Variants in ADAMTSL3 observed in about 807,000 individuals in gnomAD.
ADAMTSL3 encodes the protein ADAMTS like 3.
ADAMTSL3 carries 128 observed loss-of-function variants against 201.7 expected under a neutral mutation model. The ratio of observed to expected loss-of-function variants is 0.63; its 90% CI spans 0.55 to 0.73. The LOEUF is 0.73. ADAMTSL3 is among the 30% of genes least tolerant of loss of function. ADAMTSL3 has a pLI of 0.00. For synonymous variants in ADAMTSL3, 738 were observed against 748.4 expected (o/e 0.99, Z 0.23); for missense variants, 1,990 against 2,119.6 (o/e 0.94, Z 1.20).
chr15:83,835,011 G>C (rs779450084), intron 6 of ADAMTSL3, among the ~76,000 whole-genome samples: 35 of 152,104 alleles, frequency 2.3e-4, no homozygotes, highest in Non-Finnish European at 4.9e-4. Context: ...AAGGCGGGCA[G>C]ATCACGAGAT....
At chr15:83,670,258 C>CAAAAAAAAAAAA (rs60947988) in intron 2 of ADAMTSL3, among the ~76,000 whole-genome samples, 6 of 64,516 alleles carry the variant, frequency 9.3e-5, no homozygotes, top group African/African-American at 1.3e-4. Flanking sequence ...ACTCTGTCTC[C>CAAAAAAAAAAAA]AAAAAAAAAA....
At chr15:83,925,920 A>G (rs568384797) in intron 17 of ADAMTSL3, among the ~76,000 whole-genome samples, 1 of 152,336 alleles carries the variant, frequency 6.6e-6, no homozygotes, top group African/African-American at 2.4e-5. Context: ...GGGAAAATAC[A>G]GGGAGGGGGC....
chr15:83,936,063 G>T (rs2142018478), intron 17 of ADAMTSL3, among the ~76,000 whole-genome samples: 1 of 152,096 alleles, frequency 6.6e-6, no homozygotes, highest in South Asian at 2.1e-4. Context: ...ATATAAGAAT[G>T]AATGATGACC....
At chr15:84,006,831 G>A (rs1405617941) in intron 23 of ADAMTSL3, among the ~76,000 whole-genome samples, 1 of 152,152 alleles carries the variant, frequency 6.6e-6, no homozygotes, top group African/African-American at 2.4e-5. Context: ...CACGTGTAAC[G>A]ATGCTTCTAG....
At chr15:83,987,624 G>A (rs1216441161) in intron 21 of ADAMTSL3, among the ~76,000 whole-genome samples, 1 of 152,214 alleles carries the variant, frequency 6.6e-6, no homozygotes, top group Non-Finnish European at 1.5e-5. Flanking sequence ...GCGGGTCTGA[G>A]TTTGCCAGAA....
intron 8 of ADAMTSL3, among the ~76,000 whole-genome samples, chr15:83,859,236 C>T (rs575310404): frequency 5.3e-5 from 8 of 152,346 alleles, no homozygotes; most frequent in African/African-American, 1.9e-4. Flanking sequence ...TGGGGGCTTA[C>T]AGACCATAGG....
At chr15:83,841,498 A>G (rs2064372711) in intron 7 of ADAMTSL3, among the ~76,000 whole-genome samples, 1 of 152,230 alleles carries the variant, frequency 6.6e-6, no homozygotes, top group Non-Finnish European at 1.5e-5. Flanking sequence ...GGGAATAACA[A>G]CAGTACTGCC....
At chr15:83,933,658 G>A (rs1056873723) in intron 17 of ADAMTSL3, among the ~76,000 whole-genome samples, 21 of 152,238 alleles carry the variant, frequency 1.4e-4, no homozygotes, top group Non-Finnish European at 2.1e-4. Context: ...TCCAGGGCAC[G>A]TCAGTGGTTT....
At position 83,890,106 on chromosome 15, in the gene ADAMTSL3, T is replaced by C. The variant is rs1201729787; in HGVS notation, c.1073-3T>C. The C allele has an allele frequency of 2.5e-6, 4 of 1,611,236 alleles. No individual in the cohort carries two copies. The highest frequency in any genetic ancestry group is 2.2e-5 in the East Asian group (1 of 44,798). Reference sequence around the variant, plus strand: ...TTCAGACTTGCCTTTTCTAACACTTTAGGTTATCAGCTCAATTCTGCTGAA... The same window carrying C: ...TTCAGACTTGCCTTTTCTAACACTTCAGGTTATCAGCTCAATTCTGCTGAA... On this transcript the variant is annotated splice_polypyrimidine_tract_variant and splice_region_variant and intron_variant, in intron 10 of 29. Coordinates refer to ENST00000286744, the MANE Select transcript of ADAMTSL3 (RefSeq NM_207517.3).
At chr15:83,822,877 C>T (rs1283982851) in intron 6 of ADAMTSL3, among the ~76,000 whole-genome samples, 1 of 151,928 alleles carries the variant, frequency 6.6e-6, no homozygotes, top group Non-Finnish European at 1.5e-5. Context: ...GAGCCGAGAT[C>T]ACGCCACTGC....
intron 19 of ADAMTSL3, among the ~76,000 whole-genome samples, chr15:83,946,783 G>T (rs2066662609): frequency 6.6e-6 from 1 of 152,140 alleles, no homozygotes; most frequent in Admixed American, 6.6e-5. Flanking sequence ...GGTTTGGACT[G>T]GAGGCTGTTT....
chr15:83,986,078 C>T (rs747363047), intron 21 of ADAMTSL3, among the ~76,000 whole-genome samples: 8 of 152,134 alleles, frequency 5.3e-5, no homozygotes, highest in Admixed American at 1.3e-4. Context: ...ACTGCCTTTG[C>T]ACTCTCAGTG....
chr15:83,999,952 A>G (rs933694280), intron 23 of ADAMTSL3, among the ~76,000 whole-genome samples: 1 of 152,042 alleles, frequency 6.6e-6, no homozygotes, highest in African/African-American at 2.4e-5. Flanking sequence ...ACATGGTCTC[A>G]TTGCTCTGAC....
At chr15:83,850,444 A>G (rs1396466900) in intron 7 of ADAMTSL3, among the ~76,000 whole-genome samples, 3 of 151,136 alleles carry the variant, frequency 2.0e-5, no homozygotes, top group Admixed American at 6.6e-5. Flanking sequence ...ACATATGTGT[A>G]TATATATGTG....
At chr15:83,750,792 T>G (rs1178424104) in intron 3 of ADAMTSL3, among the ~76,000 whole-genome samples, 1 of 152,146 alleles carries the variant, frequency 6.6e-6, no homozygotes, top group Non-Finnish European at 1.5e-5. Flanking sequence ...CCTCGTGATC[T>G]GCCTGCTTCA....
At chr15:83,851,849 A>G (rs2064621789) in intron 7 of ADAMTSL3, among the ~76,000 whole-genome samples, 1 of 152,332 alleles carries the variant, frequency 6.6e-6, no homozygotes, top group South Asian at 2.1e-4. Flanking sequence ...AAAAACTTCA[A>G]ATGGCACAGA....
chr15:83,668,925 C>T (rs914324280), intron 2 of ADAMTSL3, among the ~76,000 whole-genome samples: 1 of 152,136 alleles, frequency 6.6e-6, no homozygotes, highest in Non-Finnish European at 1.5e-5. Flanking sequence ...CCCAAATGCA[C>T]ATGAGTCTTT....
intron 19 of ADAMTSL3, among the ~76,000 whole-genome samples, chr15:83,951,228 G>T (rs8024422): frequency 6.6e-6 from 1 of 151,552 alleles, no homozygotes; most frequent in African/African-American, 2.4e-5. Flanking sequence ...TGTCATGAAG[G>T]GATGTTAAAT....
chr15:83,743,449 C>T (rs1460341567), intron 3 of ADAMTSL3, among the ~76,000 whole-genome samples: 1 of 145,308 alleles, frequency 6.9e-6, no homozygotes, highest in Non-Finnish European at 1.5e-5. Flanking sequence ...GGAAGCGGAG[C>T]TTGCAGTGAG....
Sources: gnomAD v4.1 joint callset for allele counts (sites outside exome capture counted in the v4.1 genomes callset) on GRCh38, gnomAD v4.1.1 for gene constraint, MANE v1.5 for transcripts, NCBI Gene and HGNC (gene_info 2026-07-23, HGNC 2026-07-21) for gene names.